Variants in LIPG observed in about 807,000 individuals in gnomAD.
LIPG encodes the protein lipase G, endothelial type.
A neutral mutation model predicts 51.8 loss-of-function variants in LIPG; 34 were observed. The observed-to-expected ratio is 0.66, with a 90% CI of 0.50 to 0.87. The LOEUF is 0.87. LIPG is among the 40% of genes least tolerant of loss of function. The pLI is 0.00. For missense variants in LIPG, 580 were observed against 652.7 expected, an observed-to-expected ratio of 0.89 and a Z score of 1.21; for synonymous variants, 246 against 246.1, an observed-to-expected ratio of 1.00 and a Z score of 0.00.
At chr18:49,582,336 G>A in intron 6 of LIPG, 26 bp from the exon 7 acceptor site, 1 of 1,614,050 alleles carries the variant, frequency 6.2e-7, no homozygotes, top group Non-Finnish European at 8.5e-7. Context: ...AGGGTTACAA[G>A]CATCTTTGTT....
chr18:49,578,987 G>A (rs1172095683), intron 5 of LIPG, among the ~76,000 whole-genome samples: 4 of 115,268 alleles, frequency 3.5e-5, no homozygotes, highest in African/African-American at 7.1e-5. Flanking sequence ...GGCTCCACAT[G>A]AGAGGGAGAC....
chr18:49,588,282 C>CT (rs1231084858), intron 9 of LIPG, among the ~76,000 whole-genome samples: 13,759 of 132,742 alleles, frequency 0.1, 1,079 homozygotes, highest in East Asian at 0.4. Flanking sequence ...CTCCCACACA[C>CT]TTTTTTTTTT....
At chr18:49,579,605 C>G (rs2084791540) in intron 5 of LIPG, among the ~76,000 whole-genome samples, 1 of 152,064 alleles carries the variant, frequency 6.6e-6, no homozygotes, top group African/African-American at 2.4e-5. Flanking sequence ...TCTCTCCACT[C>G]TGATGCTGTG....
intron 4 of LIPG, among the ~76,000 whole-genome samples, chr18:49,570,388 T>A (rs186043288): frequency 3.4e-4 from 52 of 152,352 alleles, no homozygotes; most frequent in African/African-American, 1.2e-3. Flanking sequence ...CAATTAATGG[T>A]AAATTTGTTG....
intron 4 of LIPG, among the ~76,000 whole-genome samples, chr18:49,574,071 T>C (rs1233037062): frequency 6.6e-6 from 1 of 152,250 alleles, no homozygotes; most frequent in Non-Finnish European, 1.5e-5. Context: ...AAGCCACTTG[T>C]AGTGGTGAAC....
intron 5 of LIPG, among the ~76,000 whole-genome samples, chr18:49,577,432 C>G (rs1468933435): frequency 2.8e-5 from 4 of 144,124 alleles, no homozygotes; most frequent in Admixed American, 6.8e-5. Context: ...TACACAGACA[C>G]GGCAACCATC....
At chr18:49,578,431 C>G (rs1034751846) in intron 5 of LIPG, among the ~76,000 whole-genome samples, 4 of 111,678 alleles carry the variant, frequency 3.6e-5, no homozygotes, top group Non-Finnish European at 5.6e-5. Context: ...GATGGGCGGC[C>G]GGGCAGAGAC....
chr18:49,570,518 C>T (rs916738062), intron 4 of LIPG, among the ~76,000 whole-genome samples: 3 of 152,148 alleles, frequency 2.0e-5, no homozygotes, highest in Non-Finnish European at 2.9e-5. Context: ...ATTCCTTTCC[C>T]TGCAGTGTTT....
At chr18:49,578,878 GGCGCGTGCCT>G (rs1479105711) in intron 5 of LIPG, among the ~76,000 whole-genome samples, 137 of 134,714 alleles carry the variant, frequency 1.0e-3, no homozygotes, top group Non-Finnish European at 1.9e-3. Flanking sequence ...CAGGCGTGGT[GGCGCGTGCCT>G]GCAATCGCAG....
chr18:49,590,447 C>T (rs752839135), intron 9 of LIPG, 54 bp from the exon 10 acceptor site: 128 of 1,567,316 alleles, frequency 8.2e-5, no homozygotes, highest in East Asian at 3.7e-4. Flanking sequence ...TACAGGTTTG[C>T]GCGTTTGCTG....
At chr18:49,585,659 G>A (rs1444116371) in intron 8 of LIPG, among the ~76,000 whole-genome samples, 2 of 152,128 alleles carry the variant, frequency 1.3e-5, no homozygotes, top group African/African-American at 4.8e-5. Flanking sequence ...TGTGTGTAAG[G>A]GCTGTTTCTC....
Position 49,564,058 on chromosome 18 carries a change from C to A in LIPG, c.98-1259C>A, listed in dbSNP as rs924102206. Among the ~76,000 whole-genome samples, 8 of 152,178 alleles carry A rather than the reference C, an allele frequency of 5.3e-5. 1 individual carries two copies. The highest frequency in any genetic ancestry group is 5.2e-4 in the Admixed American group (8 of 15,268). On this transcript the variant is annotated intron_variant, in intron 1 of 9. Coordinates refer to ENST00000261292, the MANE Select transcript of LIPG (RefSeq NM_006033.4). ...ACTTTCATGACGGTTAACCTGACTT[C>A]CGCTCATGTGCATTCAGCAGCATTT...
chr18:49,590,270 G>A (rs914656353), intron 9 of LIPG: 11 of 639,682 alleles, frequency 1.7e-5, no homozygotes, highest in Non-Finnish European at 2.3e-5. Context: ...AGGGTCCAGA[G>A]GGTGCTGCAG....
intron 5 of LIPG, among the ~76,000 whole-genome samples, chr18:49,579,648 TTCCCTC>T (rs2084792024): frequency 1.3e-5 from 2 of 152,108 alleles, no homozygotes; most frequent in Non-Finnish European, 2.9e-5. Flanking sequence ...TGCTCAGTCT[TTCCCTC>T]TCCCGGTTTA....
In LIPG at chr18:49,579,764, C is replaced by CTTTCTTTTCTTTTCTTTTCTTTTCT. The variant is rs60357456; in HGVS notation, c.794-1618_794-1594dup. Among the ~76,000 whole-genome samples the CTTTCTTTTCTTTTCTTTTCTTTTCT allele has an allele frequency of 3.9e-3, 436 of 112,208 alleles. 8 individuals carry two copies. The highest frequency in any genetic ancestry group is 8.1e-3 in the East Asian group (34 of 4,178). 73.6% of individuals were successfully genotyped at this position (112,208 alleles called of 152,430 possible). A position where few individuals can be genotyped will look rare whatever the true frequency, so the allele number is the denominator to read the frequency against. On this transcript the variant is annotated intron_variant, in intron 5 of 9. Coordinates refer to ENST00000261292, the MANE Select transcript of LIPG (RefSeq NM_006033.4). ...CCTTTCTTTCCTTTCCTTTCCTTTC[C>CTTTCTTTTCTTTTCTTTTCTTTTCT]TTTCTTTTCTTTTCTTTTCTTTTCT...
In LIPG at chr18:49,567,441, G is replaced by A; in HGVS notation, c.280-1G>A. ...AAAACAACTTCCACTTTTCTCTGCA[G>A]ATGAGCGGTATCTTTGAAAACTGGC... On this transcript the variant is annotated splice_acceptor_variant, in intron 2 of 9. Transcript: ENST00000261292. LOFTEE classifies it high-confidence loss of function. 6.2e-7 allele frequency: 1 copy of A among 1,613,992 alleles called. No homozygotes were observed. The highest frequency in any genetic ancestry group is 1.7e-5 in the Admixed American group (1 of 60,006).
At chr18:49,582,273 ATC>A in intron 6 of LIPG, 87 bp from the exon 7 acceptor site, 3 of 1,558,702 alleles carry the variant, frequency 1.9e-6, no homozygotes, top group Non-Finnish European at 2.6e-6. Flanking sequence ...CAGCCCTAAA[ATC>A]TCTGTGCTGG....
At chr18:49,578,168 C>T (rs1279278127) in intron 5 of LIPG, among the ~76,000 whole-genome samples, 12 of 146,540 alleles carry the variant, frequency 8.2e-5, no homozygotes, top group African/African-American at 2.6e-4. Context: ...TGGGCGGAGA[C>T]GCTCCTCACC....
intron 9 of LIPG, among the ~76,000 whole-genome samples, chr18:49,587,424 A>T (rs1374486899): frequency 3.5e-5 from 5 of 143,478 alleles, no homozygotes; most frequent in African/African-American, 1.3e-4. Context: ...AAAAAATTAG[A>T]CGGGCATGGT....
Sources: gnomAD v4.1 joint callset for allele counts (sites outside exome capture counted in the v4.1 genomes callset) on GRCh38, gnomAD v4.1.1 for gene constraint, MANE v1.5 for transcripts, NCBI Gene and HGNC (gene_info 2026-07-23, HGNC 2026-07-21) for gene names.